Variants in VWA3B observed in about 807,000 individuals in gnomAD.
The protein encoded by VWA3B is von Willebrand factor A domain containing 3B, also known as von Willebrand factor A domain-containing protein 3B.
In VWA3B, 138 loss-of-function variants were observed where a neutral mutation model predicts 158.3. The observed-to-expected ratio is 0.87, with a 90% CI of 0.76 to 1.00. The LOEUF is 1.00. Ranked by LOEUF, VWA3B falls within the 50% of genes least tolerant of loss-of-function variation. VWA3B has a pLI of 0.00. For missense variants in VWA3B, 1,555 were observed against 1,565.1 expected (o/e 0.99, Z 0.11); for synonymous variants, 596 against 587.3 (o/e 1.01, Z -0.21).
intron 19 of VWA3B, among the ~76,000 whole-genome samples, chr2:98,249,708 T>G (rs993844430): frequency 6.6e-6 from 1 of 152,092 alleles, no homozygotes; most frequent in African/African-American, 2.4e-5. Context: ...GAAGCCTCAT[T>G]TATTGATCAC....
At chr2:98,197,857 A>G (rs1682189167) in intron 12 of VWA3B, among the ~76,000 whole-genome samples, 1 of 152,098 alleles carries the variant, frequency 6.6e-6, no homozygotes, top group African/African-American at 2.4e-5. Flanking sequence ...CACTACTCCA[A>G]GGAACCTTGG....
chr2:98,274,259 G>A (rs915969477), intron 22 of VWA3B, among the ~76,000 whole-genome samples: 1 of 152,228 alleles, frequency 6.6e-6, no homozygotes, highest in Non-Finnish European at 1.5e-5. Context: ...CCAAGAACTG[G>A]TCTGGCCTTA....
At chr2:98,193,743 C>T (rs760620359) in intron 11 of VWA3B, among the ~76,000 whole-genome samples, 9 of 152,090 alleles carry the variant, frequency 5.9e-5, no homozygotes, top group Non-Finnish European at 1.3e-4. Flanking sequence ...GCGCCTGCCA[C>T]CACGCCCGGC....
At chr2:98,211,873 G>C in intron 12 of VWA3B, 57 bp from the exon 13 acceptor site, 4 of 1,452,202 alleles carry the variant, frequency 2.8e-6, no homozygotes, top group South Asian at 2.4e-5. Context: ...ATAAATACTT[G>C]TTTGTGAATT....
intron 10 of VWA3B, among the ~76,000 whole-genome samples, 187 bp from the exon 11 acceptor site, chr2:98,192,711 C>T (rs150524182): frequency 6.6e-6 from 1 of 152,314 alleles, no homozygotes; most frequent in East Asian, 1.9e-4. Context: ...GTGGGTAGTG[C>T]ATCCTACAGC....
chr2:98,180,587 A>T (rs1421497957), intron 8 of VWA3B, among the ~76,000 whole-genome samples: 1 of 152,228 alleles, frequency 6.6e-6, no homozygotes, highest in East Asian at 1.9e-4. Flanking sequence ...GCCTAAGCTC[A>T]GAGAGGTCAA....
chr2:98,292,847 C>G (rs1689577929), intron 23 of VWA3B, among the ~76,000 whole-genome samples: 1 of 151,878 alleles, frequency 6.6e-6, no homozygotes, highest in Non-Finnish European at 1.5e-5. Flanking sequence ...ACCTGTAATC[C>G]CAGCTACTCG....
intron 10 of VWA3B, among the ~76,000 whole-genome samples, chr2:98,189,531 T>TG (rs1681401404): frequency 6.6e-6 from 1 of 151,872 alleles, no homozygotes; most frequent in Non-Finnish European, 1.5e-5. Flanking sequence ...GTACAGATTT[T>TG]GGAAAAAAAA....
the VWA3B span, among the ~76,000 whole-genome samples, chr2:98,320,747 A>G: frequency 2.0e-5 from 3 of 152,252 alleles, no homozygotes; most frequent in Non-Finnish European, 4.4e-5. Context: ...TCTAAGCAGC[A>G]AAGCACTCAA....
intron 7 of VWA3B, among the ~76,000 whole-genome samples, chr2:98,153,212 A>G (rs1040725972): frequency 1.3e-5 from 2 of 152,236 alleles, no homozygotes; most frequent in Non-Finnish European, 2.9e-5. Context: ...TATTTTGCTT[A>G]TGGGACAAGA....
intron 21 of VWA3B, among the ~76,000 whole-genome samples, 169 bp from the exon 22 acceptor site, chr2:98,270,508 TAGAGC>T (rs112585856): frequency 6.6e-6 from 1 of 152,330 alleles, no homozygotes; most frequent in African/African-American, 2.4e-5. Context: ...AAAGTCCTGA[TAGAGC>T]AGAGGGCATG....
chr2:98,277,035 T>C (rs1012317649), intron 22 of VWA3B, among the ~76,000 whole-genome samples: 6 of 151,808 alleles, frequency 4.0e-5, no homozygotes, highest in Non-Finnish European at 5.9e-5. Flanking sequence ...GGGCAGTTCC[T>C]GGCTGGCCCA....
chr2:98,270,158 C>T (rs1219328827), intron 21 of VWA3B, among the ~76,000 whole-genome samples: 1 of 152,112 alleles, frequency 6.6e-6, no homozygotes, highest in African/African-American at 2.4e-5. Context: ...ATCAAAACAG[C>T]AAAGCCAAAT....
chr2:98,292,081 T>TAAAAAAAA (rs772141517), intron 23 of VWA3B: 1 of 86,120 alleles, frequency 1.2e-5, no homozygotes, highest in African/African-American at 4.6e-5. Flanking sequence ...TCATCTCTAC[T>TAAAAAAAA]AAAAAAAAAA....
chr2:98,313,726 G>A (rs146204383), downstream of VWA3B, among the ~76,000 whole-genome samples: 32 of 152,224 alleles, frequency 2.1e-4, no homozygotes, highest in Admixed American at 6.5e-4. Context: ...TACCCATCTC[G>A]CTCTCTTCGT....
chr2:98,165,698 G>A (rs1217366648), intron 8 of VWA3B, among the ~76,000 whole-genome samples: 1 of 152,022 alleles, frequency 6.6e-6, no homozygotes. Flanking sequence ...CCTGTGACTG[G>A]GTGTCCTGAC....
chr2:98,330,024 A>G, the VWA3B span, among the ~76,000 whole-genome samples: 2 of 152,130 alleles, frequency 1.3e-5, no homozygotes, highest in African/African-American at 4.8e-5. Flanking sequence ...CTGTACTGTG[A>G]TCTCCGGACC....
intron 25 of VWA3B, among the ~76,000 whole-genome samples, chr2:98,301,974 A>G (rs1027381048): frequency 2.0e-5 from 3 of 152,142 alleles, no homozygotes; most frequent in Admixed American, 2.0e-4. Flanking sequence ...AGAATTCTTT[A>G]TCAGTTTACG....
At chr2:98,262,470 T>G (rs1402027027) in intron 21 of VWA3B, among the ~76,000 whole-genome samples, 1 of 151,878 alleles carries the variant, frequency 6.6e-6, no homozygotes, top group Non-Finnish European at 1.5e-5. Flanking sequence ...GAGTCCAACT[T>G]CATTCTTTTG....
Sources: gnomAD v4.1 joint callset for allele counts (sites outside exome capture counted in the v4.1 genomes callset) on GRCh38, gnomAD v4.1.1 for gene constraint, MANE v1.5 for transcripts, NCBI Gene and HGNC (gene_info 2026-07-23, HGNC 2026-07-21) for gene names.